Variants in UTRN observed in about 807,000 individuals in gnomAD.
UTRN encodes the protein dystrophin-related protein 1.
A neutral mutation model predicts 463.9 loss-of-function variants in UTRN; 283 were observed. The ratio of observed to expected loss-of-function variants is 0.61; its 90% CI spans 0.55 to 0.67. The LOEUF is 0.67. UTRN is among the 30% of genes least tolerant of loss of function. UTRN has a pLI of 0.00. For synonymous variants in UTRN, 1,442 were observed against 1,431.5 expected (o/e 1.01, Z -0.17); for missense variants, 3,922 against 4,084.3 (o/e 0.96, Z 1.08).
intron 14 of UTRN, among the ~76,000 whole-genome samples, chr6:144,445,182 C>T (rs1277756119): frequency 6.6e-6 from 1 of 151,896 alleles, no homozygotes; most frequent in Non-Finnish European, 1.5e-5. Flanking sequence ...GAAACCCCGT[C>T]TCCACTAAAA....
chr6:144,678,883 T>A (rs1258280802), intron 52 of UTRN, among the ~76,000 whole-genome samples: 1 of 152,188 alleles, frequency 6.6e-6, no homozygotes, highest in Non-Finnish European at 1.5e-5. Context: ...GACTAAGTAC[T>A]TGTTAGGATC....
chr6:144,667,300 A>G (rs1444070902), intron 51 of UTRN, among the ~76,000 whole-genome samples: 1 of 151,934 alleles, frequency 6.6e-6, no homozygotes, highest in African/African-American at 2.4e-5. Flanking sequence ...TCAGGTGACC[A>G]ACCTGCCTCA....
chr6:144,830,468 A>G (rs889291392), intron 69 of UTRN, among the ~76,000 whole-genome samples: 3 of 152,176 alleles, frequency 2.0e-5, no homozygotes, highest in Admixed American at 1.3e-4. Context: ...ATTTATATAC[A>G]TGTATATACA....
intron 56 of UTRN, 60 bp downstream of exon 56, chr6:144,752,012 C>A: frequency 6.8e-7 from 1 of 1,470,120 alleles, no homozygotes; most frequent in South Asian, 1.4e-5. Context: ...TTAAACCCTA[C>A]CTCACTATAT....
chr6:144,566,034 A>G (rs1164915011), intron 50 of UTRN, among the ~76,000 whole-genome samples: 4 of 152,186 alleles, frequency 2.6e-5, no homozygotes, highest in African/African-American at 9.6e-5. Flanking sequence ...GAGGACAGGA[A>G]GGCTTTGAGA....
chr6:144,444,183 C>G (rs1787437937), intron 13 of UTRN, 98 bp from the exon 14 acceptor site: 7 of 959,200 alleles, frequency 7.3e-6, no homozygotes, highest in Non-Finnish European at 1.1e-5. Context: ...AGTTGTTATT[C>G]TATAATAAAG....
intron 54 of UTRN, among the ~76,000 whole-genome samples, chr6:144,735,230 A>G (rs2128716859): frequency 6.6e-6 from 1 of 152,252 alleles, no homozygotes; most frequent in East Asian, 1.9e-4. Context: ...ATTCCAGGAG[A>G]GAAGGACTCT....
intron 54 of UTRN, 73 bp downstream of exon 54, chr6:144,730,559 A>G: frequency 7.0e-7 from 1 of 1,432,480 alleles, no homozygotes; most frequent in Non-Finnish European, 9.2e-7. Flanking sequence ...CAAGTAGGAA[A>G]TTTCCTTACA....
At chr6:144,585,396 C>T (rs74632784) in intron 51 of UTRN, among the ~76,000 whole-genome samples, 27 of 152,176 alleles carry the variant, frequency 1.8e-4, no homozygotes, top group African/African-American at 6.3e-4. Flanking sequence ...GAGAAATGTA[C>T]AATTCCAGTA....
intron 53 of UTRN, among the ~76,000 whole-genome samples, chr6:144,713,826 AG>A (rs1482640559): frequency 6.6e-6 from 1 of 151,196 alleles, no homozygotes; most frequent in African/African-American, 2.4e-5. Context: ...AGGCTGAGGC[AG>A]GAGAATCGCT....
At chr6:144,457,865 C>T (rs1789022288) in intron 19 of UTRN, among the ~76,000 whole-genome samples, 1 of 152,100 alleles carries the variant, frequency 6.6e-6, no homozygotes, top group Non-Finnish European at 1.5e-5. Flanking sequence ...TGTTTTATTG[C>T]TTTCCTACTC....
chr6:144,590,607 A>C (rs1336896800), intron 51 of UTRN, among the ~76,000 whole-genome samples: 2 of 152,190 alleles, frequency 1.3e-5, no homozygotes, highest in African/African-American at 4.8e-5. Flanking sequence ...GATATGTGCT[A>C]AGCAGCATAA....
chr6:144,512,393 A>T (rs1036268264), intron 35 of UTRN, among the ~76,000 whole-genome samples: 1 of 152,126 alleles, frequency 6.6e-6, no homozygotes, highest in African/African-American at 2.4e-5. Context: ...ATAGGGGTAA[A>T]CAAGTCTGGC....
At chr6:144,781,886 A>T (rs757458130) in intron 60 of UTRN, 36 bp from the exon 61 acceptor site, 2 of 1,509,372 alleles carry the variant, frequency 1.3e-6, no homozygotes, top group Non-Finnish European at 1.8e-6. Context: ...AATGTAATGT[A>T]ATGACTGTAA....
chr6:144,832,875 A>G (rs1780785126), intron 69 of UTRN, among the ~76,000 whole-genome samples: 1 of 152,124 alleles, frequency 6.6e-6, no homozygotes, highest in Non-Finnish European at 1.5e-5. Context: ...GCTGGAGTGC[A>G]GTGGCACAAT....
chr6:144,397,479 A>G (rs1782544178), intron 2 of UTRN, among the ~76,000 whole-genome samples: 1 of 152,062 alleles, frequency 6.6e-6, no homozygotes, highest in South Asian at 2.1e-4. Context: ...TTTTAACTCC[A>G]TACCCTTCTT....
At chr6:144,439,420 T>C (rs1411079425) in intron 12 of UTRN, among the ~76,000 whole-genome samples, 1 of 152,234 alleles carries the variant, frequency 6.6e-6, no homozygotes, top group Non-Finnish European at 1.5e-5. Flanking sequence ...TATGTAAAAC[T>C]TTAGGAATAC....
intron 3 of UTRN, among the ~76,000 whole-genome samples, chr6:144,404,724 T>G (rs1783231364): frequency 6.6e-6 from 1 of 152,138 alleles, no homozygotes; most frequent in Admixed American, 6.5e-5. Context: ...TACCTATTTA[T>G]GAAAATGGAG....
chr6:144,776,679 A>G (rs906847230), intron 60 of UTRN, among the ~76,000 whole-genome samples: 2 of 152,084 alleles, frequency 1.3e-5, no homozygotes, highest in African/African-American at 4.8e-5. Context: ...TCACCATTTC[A>G]TCATCCACTT....
Sources: allele counts gnomAD v4.1 joint callset (sites outside exome capture counted in the v4.1 genomes callset), GRCh38; gene constraint gnomAD v4.1.1; transcripts MANE v1.5; gene names NCBI Gene and HGNC (gene_info 2026-07-23, HGNC 2026-07-21).